RXFP2: variants seen among roughly 807,000 people sequenced by gnomAD.
RXFP2 encodes relaxin receptor 2.
Under a neutral mutation model 88.6 loss-of-function variants are expected in RXFP2, and 68 were observed. That is an observed-to-expected ratio of 0.77 (90% CI 0.63 to 0.94). The LOEUF (loss-of-function observed/expected upper bound fraction) is 0.94, where lower values mean the gene tolerates loss of function less well. Among genes scored for constraint, RXFP2 ranks in the 40% least tolerant of loss-of-function variants. The pLI is 0.00. For synonymous variants in RXFP2, 329 were observed against 306.8 expected, an observed-to-expected ratio of 1.07 and a Z score of -0.76; for missense variants, 791 against 893.9, an observed-to-expected ratio of 0.88 and a Z score of 1.47.
intron 5 of RXFP2, among the ~76,000 whole-genome samples, chr13:31,771,256 C>A (rs946169702): frequency 1.3e-5 from 2 of 152,148 alleles, no homozygotes; most frequent in Non-Finnish European, 2.9e-5. Flanking sequence ...AATCACAGAG[C>A]GGTACCAGTC....
intron 11 of RXFP2, among the ~76,000 whole-genome samples, chr13:31,785,162 A>C (rs951971854): frequency 2.0e-5 from 3 of 152,144 alleles, no homozygotes; most frequent in African/African-American, 7.2e-5. Flanking sequence ...TGATAGTTCC[A>C]AGGTGGGTCC....
At chr13:31,765,728 C>T (rs1333858290) in intron 4 of RXFP2, among the ~76,000 whole-genome samples, 1 of 152,136 alleles carries the variant, frequency 6.6e-6, no homozygotes, top group Non-Finnish European at 1.5e-5. Flanking sequence ...ATGGACTTCC[C>T]AGTCTACTAT....
chr13:31,788,028 A>C (rs1457915500), intron 13 of RXFP2, among the ~76,000 whole-genome samples: 1 of 152,096 alleles, frequency 6.6e-6, no homozygotes, highest in Non-Finnish European at 1.5e-5. Context: ...TTGTTTTAGC[A>C]CTTGGGATAC....
At chr13:31,781,588 C>A in intron 9 of RXFP2, 83 bp from the exon 10 acceptor site, 1 of 992,524 alleles carries the variant, frequency 1.0e-6, no homozygotes, top group Non-Finnish European at 1.6e-6. Flanking sequence ...TAAAAATAAA[C>A]TTGATAACCA....
At position 31,786,626 on chromosome 13, in the gene RXFP2, A is replaced by G. The variant is rs1402340503; in HGVS notation, c.1062A>G (p.Gln354=). The G allele has an allele frequency of 6.4e-7, 1 of 1,574,586 alleles. No individual in the cohort carries two copies. Among genetic ancestry groups the G allele is most frequent in the Admixed American group, 1.7e-5 (1 of 59,932 alleles). The change falls in exon 13 of 18, where the codon CAA becomes CAG. Residue 354 remains glutamine (Q), a synonymous_variant. Transcript: ENST00000298386. ...LHKNQFESLK[Q]LQSLDLERIE... is the part of the protein sequence containing the mutation. ...AGAACCAGTTTGAAAGTCTTAAACA[A>G]CTTCAGTCTCTGTAAGTGAAATATT...
chr13:31,772,508 T>C (rs1872770466), intron 5 of RXFP2, among the ~76,000 whole-genome samples: 1 of 152,206 alleles, frequency 6.6e-6, no homozygotes, highest in South Asian at 2.1e-4. Flanking sequence ...AATGGGCTTA[T>C]ATCTCAGCTC....
chr13:31,780,384 G>A (rs867179052), intron 9 of RXFP2, among the ~76,000 whole-genome samples: 9 of 152,016 alleles, frequency 5.9e-5, no homozygotes, highest in South Asian at 2.1e-4. Context: ...GTCCTTCTTC[G>A]GAGAACATGA....
rs145225738 is a variant in RXFP2, at chr13:31,802,578, A to G, written c.*173A>G. The G allele has an allele frequency of 4.0e-6, 3 of 755,808 alleles. No homozygotes were observed. The highest frequency in any genetic ancestry group is 5.0e-5 in the East Asian group (2 of 40,120). The allele number at this position is 755,808 out of a possible 1,614,324, so 46.8% of individuals were successfully genotyped here. On this transcript the variant is annotated 3_prime_UTR_variant, in exon 18 of 18. Transcript: ENST00000298386. ...CCAATGGCAGCTGTACTATCTACCA[A>G]CCATGCTGAGGACAGCACCAAAGGT...
At chr13:31,758,677 A>G (rs542233144) in intron 2 of RXFP2, among the ~76,000 whole-genome samples, 2 of 152,312 alleles carry the variant, frequency 1.3e-5, no homozygotes, top group East Asian at 3.9e-4. Flanking sequence ...CAATACTCAT[A>G]TTTTAATTAT....
intron 2 of RXFP2, among the ~76,000 whole-genome samples, chr13:31,759,413 G>GAAAGAAAGAAAGAAA (rs1320371629): frequency 3.3e-5 from 5 of 150,184 alleles, no homozygotes; most frequent in Non-Finnish European, 7.4e-5. Flanking sequence ...AAGAAAGAAA[G>GAAAGAAAGAAAGAAA]AAAGAAAGAA....
chr13:31,743,125 G>A (rs1566210115), intron 1 of RXFP2, among the ~76,000 whole-genome samples: 1 of 152,172 alleles, frequency 6.6e-6, no homozygotes, highest in Non-Finnish European at 1.5e-5. Flanking sequence ...AAATAAAACA[G>A]CTGATTCAAC....
chr13:31,753,436 G>A (rs974040772), intron 1 of RXFP2, among the ~76,000 whole-genome samples: 6 of 152,122 alleles, frequency 3.9e-5, no homozygotes, highest in African/African-American at 1.2e-4. Context: ...TCGTATGTTC[G>A]AGCCTCCTCT....
Position 31,781,449 on chromosome 13 carries a change from G to A in RXFP2, c.786-222G>A, listed in dbSNP as rs1555634. Among the ~76,000 whole-genome samples the A allele has an allele frequency of 0.97, 148,141 of 152,178 alleles. 72,207 individuals are homozygous for A. Among genetic ancestry groups the A allele is most frequent in the East Asian group, 1 (5,168 of 5,168 alleles). ...AGCATAGCATTCAGCACAGAAAGAC[G>A]CTCGCTAAAAGTTAGGCTGCCCTTT... On this transcript the variant is annotated intron_variant, in intron 9 of 17. Transcript: ENST00000298386.
intron 17 of RXFP2, 124 bp from the exon 18 acceptor site, chr13:31,802,022 T>A (rs946347349): frequency 2.1e-6 from 2 of 937,884 alleles, no homozygotes; most frequent in Non-Finnish European, 3.3e-6. Context: ...TTCCTTCAGG[T>A]GAGAGAAAAC....
intron 5 of RXFP2, among the ~76,000 whole-genome samples, 194 bp from the exon 6 acceptor site, chr13:31,774,426 G>A (rs900907518): frequency 6.6e-6 from 1 of 152,166 alleles, no homozygotes; most frequent in Non-Finnish European, 1.5e-5. Flanking sequence ...CAATCTCATT[G>A]CATGAGTACT....
At position 31,791,703 on chromosome 13, in the gene RXFP2, G is replaced by C; in HGVS notation, c.1146-103G>C. 1.1e-5 allele frequency: 9 copies of C among 797,388 alleles called. No homozygotes were observed. In the South Asian group the frequency reaches 1.3e-4, roughly 11 times the overall value. 49.4% of individuals were successfully genotyped at this position (797,388 alleles called of 1,614,324 possible). The stretch of plus-strand genomic sequence containing the variant: ...TACTAAACAAAAATAAACAAACCTA[G>C]TGAAGTTGTATACCTAGCATGGAGT... On this transcript the variant is annotated intron_variant, in intron 14 of 17. Coordinates refer to ENST00000298386, the MANE Select transcript of RXFP2 (RefSeq NM_130806.5).
chr13:31,745,217 T>G (rs1235563966), intron 1 of RXFP2, among the ~76,000 whole-genome samples: 1 of 151,794 alleles, frequency 6.6e-6, no homozygotes, highest in African/African-American at 2.4e-5. Context: ...GAATTCCCCC[T>G]TTTTGCGGAG....
intron 5 of RXFP2, among the ~76,000 whole-genome samples, chr13:31,771,322 C>A (rs1330068207): frequency 6.6e-6 from 1 of 152,200 alleles, no homozygotes; most frequent in African/African-American, 2.4e-5. Context: ...AGCGAGCAAG[C>A]AAAGCTGAGC....
intron 16 of RXFP2, among the ~76,000 whole-genome samples, chr13:31,796,230 T>C (rs1874037465): frequency 6.7e-6 from 1 of 150,316 alleles, no homozygotes; most frequent in Non-Finnish European, 1.5e-5. Flanking sequence ...TTTGTATTTT[T>C]AGTAGAGACG....
Sources: gnomAD v4.1 joint callset for allele counts (sites outside exome capture counted in the v4.1 genomes callset) on GRCh38, gnomAD v4.1.1 for gene constraint, MANE v1.5 for transcripts, NCBI Gene and HGNC (gene_info 2026-07-23, HGNC 2026-07-21) for gene names.